The following KCNU1 variants were observed in gnomAD, a reference collection of about 807,000 sequenced individuals.
The protein encoded by KCNU1 is potassium channel subfamily U member 1.
KCNU1 carries 93 observed loss-of-function variants against 126.8 expected under a neutral mutation model. That is an observed-to-expected ratio of 0.73 (90% CI 0.62 to 0.87). The LOEUF is 0.87. Ranked by LOEUF, KCNU1 falls within the 40% of genes least tolerant of loss-of-function variation. KCNU1 has a pLI of 0.00. For missense variants in KCNU1, 1,330 were observed against 1,367.1 expected (o/e 0.97, Z 0.43); for synonymous variants, 523 against 494.2 (o/e 1.06, Z -0.77).
At chr8:36,840,790 T>G in intron 15 of KCNU1, 142 bp from the exon 16 acceptor site, 1 of 701,258 alleles carries the variant, frequency 1.4e-6, no homozygotes, top group Admixed American at 2.4e-5. Flanking sequence ...TTAGGTGGAT[T>G]CACTTACAAG....
At chr8:36,786,222 A>G (rs1055767196) in intron 1 of KCNU1, among the ~76,000 whole-genome samples, 4 of 152,190 alleles carry the variant, frequency 2.6e-5, no homozygotes, top group African/African-American at 7.2e-5. Context: ...CATGTATTAC[A>G]TCTATAAATA....
chr8:36,930,883 C>T (rs1808680607), intron 24 of KCNU1, 68 bp from the exon 25 acceptor site: 6 of 1,123,986 alleles, frequency 5.3e-6, no homozygotes, highest in African/African-American at 1.6e-5. Flanking sequence ...AATCTCCAAG[C>T]CTTTACCCCT....
In KCNU1 at chr8:36,889,319, G is replaced by T. The variant is rs191187330; in HGVS notation, c.2010-16389G>T. The T allele has an allele frequency of 4.2e-3, 2,165 of 514,314 alleles. 10 individuals are homozygous for T. The highest frequency in any genetic ancestry group is 5.5e-3 in the Non-Finnish European group (1,383 of 250,910). 31.9% of individuals were successfully genotyped at this position (514,314 alleles called of 1,614,324 possible). On this transcript the variant is annotated intron_variant, in intron 19 of 26. Coordinates refer to ENST00000399881, the MANE Select transcript of KCNU1 (RefSeq NM_001031836.3). ...AAATTAAAAGATGTTAAGAAATTTG[G>T]TAATTACTTTGGATCTATCACCTGT... is the stretch of plus-strand genomic sequence containing the variant.
At chr8:36,817,563 G>T in intron 9 of KCNU1, 87 bp from the exon 10 acceptor site, 2 of 564,850 alleles carry the variant, frequency 3.5e-6, no homozygotes, top group Non-Finnish European at 6.5e-6. Flanking sequence ...TGGAAACTAA[G>T]TTTAAGCCAA....
intron 22 of KCNU1, among the ~76,000 whole-genome samples, chr8:36,914,920 T>C (rs553728361): frequency 6.6e-6 from 1 of 152,322 alleles, no homozygotes; most frequent in Admixed American, 6.5e-5. Context: ...CTGTGTACTA[T>C]TAGGTAACAA....
chr8:36,903,504 A>C (rs899237850), intron 19 of KCNU1, among the ~76,000 whole-genome samples: 1 of 152,210 alleles, frequency 6.6e-6, no homozygotes, highest in Non-Finnish European at 1.5e-5. Context: ...GTAGGGGACA[A>C]TAACAGATAC....
intron 22 of KCNU1, among the ~76,000 whole-genome samples, chr8:36,917,210 T>C (rs1226569864): frequency 6.6e-6 from 1 of 152,150 alleles, no homozygotes; most frequent in East Asian, 1.9e-4. Context: ...ATCTTGAAGG[T>C]TTACAATATT....
chr8:36,852,506 A>G (rs934949464), intron 18 of KCNU1, among the ~76,000 whole-genome samples: 2 of 152,110 alleles, frequency 1.3e-5, no homozygotes, highest in Non-Finnish European at 2.9e-5. Context: ...CTAACTTAAC[A>G]TTTTTTATTA....
chr8:36,923,476 C>T (rs1169469422), intron 24 of KCNU1, among the ~76,000 whole-genome samples: 1 of 152,142 alleles, frequency 6.6e-6, no homozygotes, highest in Non-Finnish European at 1.5e-5. Flanking sequence ...CATGTGACCC[C>T]AGCTCTGGGG....
chr8:36,852,084 A>G (rs1805370436), intron 18 of KCNU1, among the ~76,000 whole-genome samples: 1 of 152,038 alleles, frequency 6.6e-6, no homozygotes, highest in African/African-American at 2.4e-5. Context: ...TTTTCTCATG[A>G]ATGGCTTTGA....
At chr8:36,801,819 A>G (rs996134643) in intron 2 of KCNU1, among the ~76,000 whole-genome samples, 2 of 152,058 alleles carry the variant, frequency 1.3e-5, no homozygotes, top group Admixed American at 6.6e-5. Context: ...TTTAAAATGG[A>G]ACTTACAGGG....
intron 10 of KCNU1, among the ~76,000 whole-genome samples, chr8:36,822,522 T>C (rs537467892): frequency 4.6e-5 from 7 of 152,314 alleles, no homozygotes; most frequent in South Asian, 2.1e-4. Context: ...TAAGATTCTA[T>C]ACAAAAATAC....
intron 18 of KCNU1, among the ~76,000 whole-genome samples, chr8:36,855,765 A>G (rs1033822884): frequency 6.7e-6 from 1 of 149,654 alleles, no homozygotes; most frequent in African/African-American, 2.5e-5. Context: ...CTTTTATTTT[A>G]TTTTTTTTCT....
Position 36,805,195 on chromosome 8 carries a change from C to T in KCNU1, c.378C>T (p.Asp126=). 1.2e-6 allele frequency: 2 copies of T among 1,605,144 alleles called. No individual in the cohort carries two copies. Among genetic ancestry groups the T allele is most frequent in the Non-Finnish European group, 1.7e-6 (2 of 1,173,554 alleles). The change falls in exon 4 of 27, where the codon GAC becomes GAT. Residue 126 remains aspartate, a splice_region_variant and synonymous_variant. Coordinates refer to ENST00000399881, the MANE Select transcript of KCNU1 (RefSeq NM_001031836.3). ...SLIIYFINSA[D]PVGSCSSYED... is the part of the protein sequence containing the mutation. The stretch of plus-strand genomic sequence containing the variant: ...CAAACTGTCCTTCTTTCTTTTCCAG[C>T]CCTGTTGGAAGCTGTTCATCATATG...
chr8:36,872,412 T>G (rs1806135841), intron 19 of KCNU1, among the ~76,000 whole-genome samples: 1 of 152,008 alleles, frequency 6.6e-6, no homozygotes. Flanking sequence ...GAAAGAGAGA[T>G]AAAGGGGGAC....
At chr8:36,819,072 A>T (rs555877422) in intron 10 of KCNU1, among the ~76,000 whole-genome samples, 6 of 152,180 alleles carry the variant, frequency 3.9e-5, no homozygotes, top group Non-Finnish European at 5.9e-5. Flanking sequence ...TGTTGTATGT[A>T]CTTGCCAAGA....
intron 19 of KCNU1, among the ~76,000 whole-genome samples, chr8:36,890,362 G>C (rs1585519142): frequency 6.6e-6 from 1 of 152,094 alleles, no homozygotes; most frequent in East Asian, 1.9e-4. Flanking sequence ...AGCATCATAA[G>C]AGATGGAAAG....
At chr8:36,916,312 GAGGGAAGGGAAGGAA>G (rs1267391094) in intron 22 of KCNU1, among the ~76,000 whole-genome samples, 5 of 148,310 alleles carry the variant, frequency 3.4e-5, no homozygotes, top group Admixed American at 1.3e-4. Flanking sequence ...GGAAAGGGGT[GAGGGAAGGGAAGGAA>G]AGGGAAGGGA....
At chr8:36,792,002 C>G (rs982838037) in intron 2 of KCNU1, among the ~76,000 whole-genome samples, 1 of 152,078 alleles carries the variant, frequency 6.6e-6, no homozygotes, top group Non-Finnish European at 1.5e-5. Flanking sequence ...AAAGAAAACA[C>G]TGTCAGGAAA....
Sources: allele counts gnomAD v4.1 joint callset (sites outside exome capture counted in the v4.1 genomes callset), GRCh38; gene constraint gnomAD v4.1.1; transcripts MANE v1.5; gene names NCBI Gene and HGNC (gene_info 2026-07-23, HGNC 2026-07-21).